BANK1: variants seen among roughly 807,000 people sequenced by gnomAD.
BANK1 encodes B-cell scaffold protein with ankyrin repeats.
In BANK1, 95 loss-of-function variants were observed where a neutral mutation model predicts 94.5. The observed-to-expected ratio is 1.00, with a 90% CI of 0.85 to 1.19. The LOEUF (loss-of-function observed/expected upper bound fraction) is 1.19. Ranked by LOEUF, BANK1 falls within the 50% of genes most tolerant of loss-of-function variation. The probability of loss-of-function intolerance (pLI) is 0.00; values close to 1 mark genes in which losing one functional copy is unlikely to be tolerated. For missense variants in BANK1, 987 were observed against 932.2 expected, an observed-to-expected ratio of 1.06 and a Z score of -0.77; for synonymous variants, 334 against 308.4, an observed-to-expected ratio of 1.08 and a Z score of -0.87.
At chr4:101,801,967 C>T (rs1725368642) in intron 1 of BANK1, among the ~76,000 whole-genome samples, 1 of 152,186 alleles carries the variant, frequency 6.6e-6, no homozygotes, top group South Asian at 2.1e-4. Flanking sequence ...GAAGTCCAGC[C>T]ACCTGCCTGC....
At chr4:102,018,883 A>C (rs1726803696) in intron 7 of BANK1, among the ~76,000 whole-genome samples, 1 of 144,762 alleles carries the variant, frequency 6.9e-6, no homozygotes, top group Non-Finnish European at 1.5e-5. Context: ...CAGTGGTGCG[A>C]TCTCGGCTCA....
chr4:102,058,308 A>T (rs1728296865), intron 11 of BANK1, among the ~76,000 whole-genome samples: 1 of 152,142 alleles, frequency 6.6e-6, no homozygotes, highest in African/African-American at 2.4e-5. Flanking sequence ...GTAAAGAGAA[A>T]TTTTTTAAAA....
rs1377640377 is a variant in BANK1 at position 101,904,812 on chromosome 4, G to C, written c.1009+9402G>C. 2.6e-5 allele frequency among the ~76,000 whole-genome samples: 4 copies of C among 152,286 alleles called. No individual in the cohort carries two copies. The East Asian group carries it at 7.7e-4, about 29-fold the overall frequency. ...AATATAACTACTTTGATATACTTCA[G>C]GGGCTTTATTAACTCCAACTATGTT... On this transcript the variant is annotated intron_variant, in intron 6 of 16. Transcript: ENST00000322953.
At chr4:101,921,171 A>G (rs1459196808) in intron 7 of BANK1, among the ~76,000 whole-genome samples, 2 of 151,988 alleles carry the variant, frequency 1.3e-5, no homozygotes, top group African/African-American at 4.8e-5. Flanking sequence ...TTTCAGTGCT[A>G]TTACTGGATA....
chr4:101,828,037 T>C (rs966900908), intron 1 of BANK1, among the ~76,000 whole-genome samples: 1 of 151,882 alleles, frequency 6.6e-6, no homozygotes, highest in Non-Finnish European at 1.5e-5. Flanking sequence ...AATTTTTATA[T>C]TATTATAACT....
chr4:101,975,088 A>G (rs1330492597), intron 7 of BANK1, among the ~76,000 whole-genome samples: 3 of 152,158 alleles, frequency 2.0e-5, no homozygotes, highest in Non-Finnish European at 4.4e-5. Context: ...AATCTGCTTT[A>G]TTCTAAAGCC....
At chr4:101,821,503 C>T (rs918438302) in intron 1 of BANK1, among the ~76,000 whole-genome samples, 7 of 152,074 alleles carry the variant, frequency 4.6e-5, no homozygotes, top group Non-Finnish European at 7.4e-5. Flanking sequence ...CTTTTGGTGT[C>T]TTTGTCATGA....
chr4:101,886,129 A>G (rs1055181926), intron 5 of BANK1, among the ~76,000 whole-genome samples: 2 of 152,218 alleles, frequency 1.3e-5, no homozygotes, highest in Non-Finnish European at 2.9e-5. Context: ...TCTCTGTTTT[A>G]TCTCCAGGAC....
intron 7 of BANK1, among the ~76,000 whole-genome samples, chr4:102,006,724 T>G (rs772919962): frequency 5.3e-5 from 8 of 151,940 alleles, no homozygotes; most frequent in Non-Finnish European, 8.8e-5. Context: ...TTTTCTCACC[T>G]TCATGACAGA....
chr4:102,016,903 C>A (rs1726721696), intron 7 of BANK1, among the ~76,000 whole-genome samples: 1 of 151,906 alleles, frequency 6.6e-6, no homozygotes, highest in Non-Finnish European at 1.5e-5. Context: ...GACTCTTATC[C>A]ACTGTGGATA....
intron 7 of BANK1, among the ~76,000 whole-genome samples, chr4:101,980,793 C>G (rs926398521): frequency 6.6e-5 from 10 of 151,708 alleles, no homozygotes; most frequent in African/African-American, 2.2e-4. Flanking sequence ...TTTTTCTTCT[C>G]TTTCTTTGAG....
rs1327589423 is a variant in BANK1 at position 101,995,937 on chromosome 4, TTA to T, written c.1207-25576_1207-25575del. Among the ~76,000 whole-genome samples the T allele has an allele frequency of 8.9e-4, 135 of 152,308 alleles. 1 individual carries two copies. The highest frequency in any genetic ancestry group is 3.1e-3 in the African/African-American group (128 of 41,570). ...GATAGTTTTTTTGCTGTGCAGAAGTTTAGTTTAGTTTAATTAGATCCCATTTG... is the reference window on the plus strand; with the variant it reads ...GATAGTTTTTTTGCTGTGCAGAAGTTGTTTAGTTTAATTAGATCCCATTTG... On this transcript the variant is annotated intron_variant, in intron 7 of 16. Transcript: ENST00000322953.
intron 1 of BANK1, among the ~76,000 whole-genome samples, chr4:101,807,343 C>T (rs1725589352): frequency 6.6e-6 from 1 of 151,968 alleles, no homozygotes; most frequent in African/African-American, 2.4e-5. Flanking sequence ...TACAAACATA[C>T]AGATTGAAAA....
rs1170739147 is a variant in BANK1 at position 102,007,110 on chromosome 4, T to TAAAATATATA, written c.1207-14401_1207-14400insATATATAAAA. 4.1e-3 allele frequency among the ~76,000 whole-genome samples: 229 copies of TAAAATATATA among 55,756 alleles called. 5 individuals carry two copies. The highest frequency in any genetic ancestry group is 0.013 in the African/African-American group (217 of 16,404). 36.6% of individuals were successfully genotyped at this position (55,756 alleles called of 152,430 possible). On this transcript the variant is annotated intron_variant, in intron 7 of 16. Coordinates refer to ENST00000322953, the MANE Select transcript of BANK1 (RefSeq NM_017935.5). ...TATATATAATATATTTATATATATA[T>TAAAATATATA]AAATATATATTTTATATATATATAA...
chr4:101,910,959 G>A (rs1722644866), intron 6 of BANK1, among the ~76,000 whole-genome samples: 1 of 152,160 alleles, frequency 6.6e-6, no homozygotes, highest in African/African-American at 2.4e-5. Context: ...TAAGTGCCAT[G>A]AATACAGTGT....
At position 102,042,798 on chromosome 4, in the gene BANK1, T is replaced by C. The variant is rs567249686; in HGVS notation, c.1901-1041T>C. ...AGAGATACAACTGTGTTGGAAATGTTCTAATTTCCCTTTTAATCCTCTCCC... is the reference window on the plus strand; with the variant it reads ...AGAGATACAACTGTGTTGGAAATGTCCTAATTTCCCTTTTAATCCTCTCCC... On this transcript the variant is annotated intron_variant, in intron 10 of 16. Transcript: ENST00000322953. 3.3e-5 allele frequency among the ~76,000 whole-genome samples: 5 copies of C among 152,134 alleles called. No homozygotes were observed. In the East Asian group the frequency reaches 9.7e-4, roughly 29 times the overall value.
intron 5 of BANK1, among the ~76,000 whole-genome samples, chr4:101,877,294 A>C (rs901103774): frequency 6.6e-6 from 1 of 152,178 alleles, no homozygotes; most frequent in Non-Finnish European, 1.5e-5. Flanking sequence ...TCCTTCAATC[A>C]GAAAGAAAAG....
intron 7 of BANK1, among the ~76,000 whole-genome samples, chr4:101,952,958 A>G (rs1341011787): frequency 1.3e-5 from 2 of 152,158 alleles, no homozygotes; most frequent in Non-Finnish European, 2.9e-5. Flanking sequence ...GAAAATAACA[A>G]ATACCCTTGC....
intron 7 of BANK1, among the ~76,000 whole-genome samples, chr4:102,016,835 C>T (rs1202356592): frequency 6.6e-6 from 1 of 152,002 alleles, no homozygotes; most frequent in Non-Finnish European, 1.5e-5. Flanking sequence ...GAGCTAAAGA[C>T]ACGCCCACGA....
Sources: gnomAD v4.1 joint callset for allele counts (sites outside exome capture counted in the v4.1 genomes callset) on GRCh38, gnomAD v4.1.1 for gene constraint, MANE v1.5 for transcripts, NCBI Gene and HGNC (gene_info 2026-07-23, HGNC 2026-07-21) for gene names.